Variants in ADRA1B observed in about 807,000 individuals in gnomAD.
ADRA1B encodes the protein alpha-1B adrenergic receptor.
Under a neutral mutation model 17.9 loss-of-function variants are expected in ADRA1B, and 17 were observed. That is an observed-to-expected ratio of 0.95 (90% CI 0.65 to 1.42). ADRA1B has a LOEUF of 1.42. ADRA1B is among the 40% of genes most tolerant of loss of function. ADRA1B has a pLI of 0.00. For synonymous variants in ADRA1B, 366 were observed against 327.6 expected, an observed-to-expected ratio of 1.12 and a Z score of -1.27; for missense variants, 681 against 722.1, an observed-to-expected ratio of 0.94 and a Z score of 0.65.
chr5:159,879,008 C>T (rs1434513855), intron 1 of ADRA1B, among the ~76,000 whole-genome samples: 1 of 152,090 alleles, frequency 6.6e-6, no homozygotes, highest in Non-Finnish European at 1.5e-5. Context: ...ATCCTCACCC[C>T]GGCCCTGGGT....
At chr5:159,971,853 C>CGG in intron 1 of ADRA1B, 26 bp from the exon 2 acceptor site, 5 of 1,305,864 alleles carry the variant, frequency 3.8e-6, no homozygotes, top group Non-Finnish European at 4.9e-6. Flanking sequence ...TCTTTCTGCC[C>CGG]GTGCCCACCC....
chr5:159,987,442 G>A, the ADRA1B span, among the ~76,000 whole-genome samples: 5 of 152,218 alleles, frequency 3.3e-5, no homozygotes, highest in Non-Finnish European at 5.9e-5. Context: ...CAGAGACTGG[G>A]AAGCAGCTCT....
chr5:159,943,069 G>A (rs958066172), intron 1 of ADRA1B, among the ~76,000 whole-genome samples: 5 of 151,960 alleles, frequency 3.3e-5, no homozygotes, highest in Non-Finnish European at 5.9e-5. Flanking sequence ...AAAATTAGCC[G>A]GGCATGGTGG....
At chr5:159,948,215 C>T in intron 1 of ADRA1B, 1 of 985,428 alleles carries the variant, frequency 1.0e-6, no homozygotes, top group Non-Finnish European at 1.2e-6. Context: ...CTTCTGGAGT[C>T]CTCCTGCATT....
intron 1 of ADRA1B, among the ~76,000 whole-genome samples, chr5:159,923,000 T>G (rs1427007586): frequency 6.6e-6 from 1 of 152,182 alleles, no homozygotes; most frequent in Admixed American, 6.5e-5. Flanking sequence ...GCAGTGACAT[T>G]TAAGTGGAAC....
the ADRA1B span, among the ~76,000 whole-genome samples, chr5:159,980,338 G>T: frequency 3.3e-5 from 5 of 152,268 alleles, no homozygotes; most frequent in Non-Finnish European, 7.4e-5. Flanking sequence ...CACTCTAAAA[G>T]ATTTCTTTCT....
rs138063434 is a variant in ADRA1B, at chr5:159,967,516, T to C, written c.950-4363T>C. Reference sequence around the variant, plus strand: ...CAAGTATTTTACATGGATATTTTCATGTGTTCACAGTAACTCTATGACATA... The same window carrying C: ...CAAGTATTTTACATGGATATTTTCACGTGTTCACAGTAACTCTATGACATA... On this transcript the variant is annotated intron_variant, in intron 1 of 1. Coordinates refer to ENST00000306675, the MANE Select transcript of ADRA1B (RefSeq NM_000679.4). 3.2e-4 allele frequency among the ~76,000 whole-genome samples: 49 copies of C among 152,338 alleles called. No individual in the cohort carries two copies. In the East Asian group the frequency reaches 7.3e-3, roughly 23 times the overall value.
chr5:159,905,740 C>G (rs1158209928), intron 1 of ADRA1B, among the ~76,000 whole-genome samples: 1 of 152,150 alleles, frequency 6.6e-6, no homozygotes, highest in African/African-American at 2.4e-5. Context: ...AACAAAGGAA[C>G]CTTGCCTAGA....
intron 1 of ADRA1B, among the ~76,000 whole-genome samples, chr5:159,881,887 C>G (rs560118421): frequency 2.8e-4 from 42 of 152,236 alleles, no homozygotes; most frequent in African/African-American, 9.9e-4. Context: ...TGATTCAGAG[C>G]CATGAAGTCC....
At chr5:159,869,738 C>T (rs1262631055) in intron 1 of ADRA1B, 1 of 152,138 alleles carries the variant, frequency 6.6e-6, no homozygotes, top group Non-Finnish European at 1.5e-5. Context: ...TACCTTGAAC[C>T]AGTTAGTGTC....
rs1023390419 is a variant in ADRA1B, at chr5:159,908,677, G to C, written c.-255-7442G>C. On this transcript the variant is annotated intron_variant, in intron 1 of 2. Coordinates refer to the ADRA1B transcript ENST00000641205. ...CAGCTTCATGTACTCCTTTACAGCA[G>C]TGCAAGCGATTAAGACATACCACGG... is the stretch of plus-strand genomic sequence containing the variant. Among the ~76,000 whole-genome samples the C allele has an allele frequency of 2.6e-5, 4 of 152,318 alleles. No homozygotes were observed. In the South Asian group the frequency reaches 8.3e-4, roughly 32 times the overall value.
intron 1 of ADRA1B, among the ~76,000 whole-genome samples, chr5:159,933,746 C>T (rs771108159): frequency 1.3e-5 from 2 of 152,240 alleles, no homozygotes; most frequent in Non-Finnish European, 1.5e-5. Flanking sequence ...ATCTTTCACA[C>T]GTGGTGGGCC....
At chr5:159,983,402 C>T in the ADRA1B span, among the ~76,000 whole-genome samples, 2 of 152,212 alleles carry the variant, frequency 1.3e-5, no homozygotes, top group African/African-American at 4.8e-5. Context: ...AGGATTCACC[C>T]CATTACAAGC....
intron 1 of ADRA1B, among the ~76,000 whole-genome samples, chr5:159,933,349 A>G (rs781724852): frequency 2.0e-5 from 3 of 152,232 alleles, no homozygotes; most frequent in Non-Finnish European, 4.4e-5. Flanking sequence ...GGTTAGATGA[A>G]AAGGCAGACT....
intron 1 of ADRA1B, among the ~76,000 whole-genome samples, chr5:159,932,104 T>C (rs1367057869): frequency 1.3e-5 from 2 of 152,208 alleles, no homozygotes; most frequent in African/African-American, 2.4e-5. Flanking sequence ...TGACTTCTTA[T>C]CATATCGATG....
rs1753730596 is a variant in ADRA1B, at chr5:159,870,900, ATTG to A, written c.-256+5701_-256+5703del. The A allele has an allele frequency of 2.6e-5, 4 of 152,162 alleles. No individual in the cohort carries two copies. In the South Asian group the frequency reaches 8.3e-4, roughly 31 times the overall value. The allele number at this position is 152,162 out of a possible 1,614,324, so 9.4% of individuals were successfully genotyped here. Reference sequence around the variant, plus strand: ...ACTGTGTCCTGTAGTCCCAAAATCAATTGTTGTTGCTTCAGCTGAATTCGTGAG... The same window carrying A: ...ACTGTGTCCTGTAGTCCCAAAATCAATTGTTGCTTCAGCTGAATTCGTGAG... On this transcript the variant is annotated intron_variant, in intron 1 of 2. Coordinates refer to the ADRA1B transcript ENST00000641205.
chr5:159,911,255 C>T (rs964351170), intron 1 of ADRA1B, among the ~76,000 whole-genome samples: 4 of 152,234 alleles, frequency 2.6e-5, no homozygotes, highest in Non-Finnish European at 5.9e-5. Flanking sequence ...GCAGCACACA[C>T]TCCCCTTCAC....
At position 159,972,498 on chromosome 5, in the gene ADRA1B, C is replaced by T. The variant is rs1198906912; in HGVS notation, c.*6C>T. On this transcript the variant is annotated 3_prime_UTR_variant, in exon 2 of 2. Coordinates refer to ENST00000306675, the MANE Select transcript of ADRA1B (RefSeq NM_000679.4). ...TGGCGCCCGGGCAGTTTTAGGGCCCCCGTGCGCAGCTTTCTTTCCCTGGGG... is the reference window on the plus strand; with the variant it reads ...TGGCGCCCGGGCAGTTTTAGGGCCCTCGTGCGCAGCTTTCTTTCCCTGGGG... 8 of 1,169,296 alleles carry T rather than the reference C, an allele frequency of 6.8e-6. No individual in the cohort carries two copies. Among genetic ancestry groups the T allele is most frequent in the Non-Finnish European group, 7.5e-6 (7 of 930,120 alleles). The allele number at this position is 1,169,296 out of a possible 1,614,324, so 72.4% of individuals were successfully genotyped here.
rs1256293097 is a variant in ADRA1B at position 159,917,461 on chromosome 5, G to A, written c.556G>A (p.Glu186Lys). The A allele has an allele frequency of 1.2e-6, 2 of 1,614,142 alleles. No homozygotes were observed. The highest frequency in any genetic ancestry group is 1.7e-6 in the Non-Finnish European group (2 of 1,180,032). ...ISIGPLLGWK[E>K]PAPNDDKECG... is the part of the protein sequence containing the mutation. ...CATCGGGCCTCTCCTTGGGTGGAAG[G>A]AGCCGGCACCCAACGATGACAAGGA... The change falls in exon 1 of 2, where the codon GAG becomes AAG. Residue 186 changes from glutamate to lysine, a missense_variant. Transcript: ENST00000306675.
Sources: gnomAD v4.1 joint callset for allele counts (sites outside exome capture counted in the v4.1 genomes callset) on GRCh38, gnomAD v4.1.1 for gene constraint, MANE v1.5 for transcripts, NCBI Gene and HGNC (gene_info 2026-07-23, HGNC 2026-07-21) for gene names.